Variants in ABCA9 observed in about 807,000 individuals in gnomAD.
ABCA9 encodes ATP-binding cassette sub-family A member 9.
ABCA9 carries 183 observed loss-of-function variants against 205.3 expected under a neutral mutation model. The observed-to-expected ratio is 0.89, with a 90% CI of 0.79 to 1.01. ABCA9 has a LOEUF of 1.01. ABCA9 is among the 50% of genes least tolerant of loss of function. ABCA9 has a pLI of 0.00. For missense variants in ABCA9, 1,805 were observed against 1,912.4 expected (o/e 0.94, Z 1.05); for synonymous variants, 651 against 683.3 (o/e 0.95, Z 0.74).
intron 25 of ABCA9, 133 bp from the exon 26 acceptor site, chr17:68,996,147 T>C: frequency 1.2e-6 from 1 of 852,186 alleles, no homozygotes; most frequent in Non-Finnish European, 1.7e-6. Flanking sequence ...ATTTATATCA[T>C]TTCTTTCCTT....
chr17:69,021,975 G>T, intron 17 of ABCA9, 114 bp from the exon 18 acceptor site: 2 of 804,538 alleles, frequency 2.5e-6, no homozygotes, highest in Non-Finnish European at 3.5e-6. Flanking sequence ...AAACAAAATT[G>T]TGATACAGAT....
chr17:69,029,933 G>C (rs1331279195), intron 10 of ABCA9, among the ~76,000 whole-genome samples: 2 of 151,970 alleles, frequency 1.3e-5, no homozygotes, highest in African/African-American at 4.8e-5. Flanking sequence ...TAACTAATGG[G>C]TACTAGACTT....
In ABCA9 at chr17:69,016,405, G is replaced by A. The variant is rs1367264716; in HGVS notation, c.2902-15C>T. ...AATCTGTGATCCTGAAATACAACAA[G>A]TACCAATTCGAAGTCTTCATAAAGC... On this transcript the variant is annotated splice_polypyrimidine_tract_variant and intron_variant, in intron 21 of 38. Transcript: ENST00000340001. The A allele has an allele frequency of 6.4e-7, 1 of 1,560,188 alleles. No homozygotes were observed. Among genetic ancestry groups the A allele is most frequent in the Non-Finnish European group, 8.6e-7 (1 of 1,159,776 alleles).
intron 19 of ABCA9, 137 bp downstream of exon 19, chr17:69,020,251 T>G (rs2070767640): frequency 2.4e-6 from 2 of 825,474 alleles, no homozygotes; most frequent in Admixed American, 6.7e-5. Context: ...TTTCTTTAAT[T>G]AAAAAATGAT....
intron 6 of ABCA9, chr17:69,043,221 G>C (rs2071603390): frequency 3.0e-6 from 1 of 333,798 alleles, no homozygotes; most frequent in East Asian, 5.8e-5. Flanking sequence ...TAGAGTTTGA[G>C]CTTCTGTGAT....
chr17:68,999,364 A>G (rs2069756405), intron 25 of ABCA9, among the ~76,000 whole-genome samples: 1 of 138,826 alleles, frequency 7.2e-6, no homozygotes, highest in Non-Finnish European at 1.5e-5. Flanking sequence ...CCTATGAGTG[A>G]GAATATGCGG....
intron 34 of ABCA9, among the ~76,000 whole-genome samples, 167 bp downstream of exon 34, chr17:68,984,718 C>T (rs1413677991): frequency 6.6e-6 from 1 of 152,170 alleles, no homozygotes; most frequent in Non-Finnish European, 1.5e-5. Context: ...ATAGCTTTTT[C>T]TTCTCAATAA....
chr17:68,989,682 T>C (rs1306359386), intron 30 of ABCA9, 131 bp downstream of exon 30: 5 of 592,856 alleles, frequency 8.4e-6, no homozygotes, highest in African/African-American at 1.9e-5. Context: ...ACTGAGGCTT[T>C]TAAGCAGGAG....
At chr17:69,010,175 TAA>T (rs372004651) in intron 23 of ABCA9, among the ~76,000 whole-genome samples, 1 of 143,186 alleles carries the variant, frequency 7.0e-6, no homozygotes. Flanking sequence ...GACAGTTAAT[TAA>T]AAAAAAAAAA....
intron 31 of ABCA9, 142 bp from the exon 32 acceptor site, chr17:68,986,466 T>A (rs756308898): frequency 7.6e-5 from 62 of 819,298 alleles, no homozygotes; most frequent in Non-Finnish European, 9.4e-5. Context: ...TCACTTAACT[T>A]TGGGGAAAAG....
intron 1 of ABCA9, among the ~76,000 whole-genome samples, chr17:69,059,746 C>T (rs577071888): frequency 3.6e-4 from 54 of 151,490 alleles, no homozygotes; most frequent in Non-Finnish European, 6.8e-4. Context: ...GAGCCTGAGG[C>T]CTGAGAACAA....
chr17:69,047,368 G>A (rs757715224), intron 3 of ABCA9, among the ~76,000 whole-genome samples: 1 of 151,084 alleles, frequency 6.6e-6, no homozygotes, highest in African/African-American at 2.4e-5. Context: ...CCAAGACTGG[G>A]TGATTTATAA....
At chr17:69,035,473 A>C in intron 7 of ABCA9, 42 bp from the exon 8 acceptor site, 1 of 1,485,870 alleles carries the variant, frequency 6.7e-7, no homozygotes, top group Non-Finnish European at 8.9e-7. Flanking sequence ...TAATTCTGTG[A>C]GAACAGTAGC....
At position 69,045,166 on chromosome 17, in the gene ABCA9, AG is replaced by A; in HGVS notation, c.469+5del. ...AAAAAAAATTTTTTTCTTCTTCAAAAGTTACCTGAATGGTCTCTGTGCTCTT... is the reference window on the plus strand; with the variant it reads ...AAAAAAAATTTTTTTCTTCTTCAAAATTACCTGAATGGTCTCTGTGCTCTT... On this transcript the variant is annotated splice_donor_5th_base_variant and intron_variant, in intron 4 of 38. Transcript: ENST00000340001. 6.2e-7 allele frequency: 1 copy of A among 1,610,074 alleles called. No individual in the cohort carries two copies. Among genetic ancestry groups the A allele is most frequent in the Non-Finnish European group, 8.5e-7 (1 of 1,178,688 alleles).
chr17:68,987,919 C>T (rs1198852284), intron 31 of ABCA9, among the ~76,000 whole-genome samples: 2 of 152,142 alleles, frequency 1.3e-5, no homozygotes, highest in African/African-American at 4.8e-5. Context: ...CATTCACCAC[C>T]ACGCCTGGCT....
At chr17:69,075,287 C>G in the ABCA9 span, among the ~76,000 whole-genome samples, 1 of 152,098 alleles carries the variant, frequency 6.6e-6, no homozygotes, top group Non-Finnish European at 1.5e-5. Context: ...GTTGCAATTG[C>G]TTCTGAGGAC....
chr17:69,055,608 A>G (rs1567977291), intron 1 of ABCA9, among the ~76,000 whole-genome samples: 1 of 152,220 alleles, frequency 6.6e-6, no homozygotes, highest in Admixed American at 6.5e-5. Context: ...CAGATCCAGC[A>G]GGCAGAAAAT....
chr17:69,005,044 C>A (rs1173696464), intron 25 of ABCA9, among the ~76,000 whole-genome samples: 3 of 152,196 alleles, frequency 2.0e-5, no homozygotes, highest in Non-Finnish European at 2.9e-5. Context: ...TGAGATGAAC[C>A]CGCTACCTCA....
At chr17:68,993,728 G>A (rs1179633420) in intron 26 of ABCA9, among the ~76,000 whole-genome samples, 10 of 152,184 alleles carry the variant, frequency 6.6e-5, no homozygotes, top group Non-Finnish European at 1.3e-4. Flanking sequence ...ATCTAGAAAA[G>A]ATGACTTTTC....
Sources: allele counts gnomAD v4.1 joint callset (sites outside exome capture counted in the v4.1 genomes callset), GRCh38; gene constraint gnomAD v4.1.1; transcripts MANE v1.5; gene names NCBI Gene and HGNC (gene_info 2026-07-23, HGNC 2026-07-21).